Variants in TXK observed in about 807,000 individuals in gnomAD.
The protein encoded by TXK is tyrosine-protein kinase TXK.
TXK carries 60 observed loss-of-function variants against 81.0 expected under a neutral mutation model. That is an observed-to-expected ratio of 0.74 (90% confidence interval 0.60 to 0.92). TXK has a LOEUF of 0.92. Ranked by LOEUF, TXK falls within the 40% of genes least tolerant of loss-of-function variation. The pLI is 0.00. For synonymous variants in TXK, 203 were observed against 210.7 expected (o/e 0.96, Z 0.32); for missense variants, 581 against 638.3 (o/e 0.91, Z 0.97).
chr4:48,088,051 C>T (rs930025645), intron 9 of TXK, among the ~76,000 whole-genome samples: 1 of 152,100 alleles, frequency 6.6e-6, no homozygotes, highest in East Asian at 1.9e-4. Context: ...CAAATGGCCA[C>T]TAAGCCAAAT....
At chr4:48,112,564 TA>T in intron 3 of TXK, 52 bp from the exon 4 acceptor site, 1 of 1,521,896 alleles carries the variant, frequency 6.6e-7, no homozygotes. Context: ...TAATTTGTAC[TA>T]AAAAATATAG....
At chr4:48,107,281 T>A (rs1335574340) in intron 5 of TXK, among the ~76,000 whole-genome samples, 2 of 151,790 alleles carry the variant, frequency 1.3e-5, no homozygotes, top group African/African-American at 4.8e-5. Context: ...ATATTGATAA[T>A]TCGGATATTC....
intron 9 of TXK, among the ~76,000 whole-genome samples, chr4:48,087,552 C>T (rs1577657947): frequency 6.6e-6 from 1 of 152,086 alleles, no homozygotes; most frequent in Admixed American, 6.6e-5. Flanking sequence ...TTTCCTGCCT[C>T]AGCCTCCCAA....
intron 10 of TXK, 49 bp downstream of exon 10, chr4:48,086,417 T>G: frequency 6.3e-7 from 1 of 1,590,884 alleles, no homozygotes; most frequent in South Asian, 1.1e-5. Flanking sequence ...GTTGTTTCCA[T>G]GACACCAGGG....
intron 1 of TXK, among the ~76,000 whole-genome samples, chr4:48,128,648 C>T (rs569737572): frequency 1.3e-5 from 2 of 148,458 alleles, no homozygotes; most frequent in South Asian, 4.3e-4. Context: ...TCACTGCAAC[C>T]TCTGCTCCCG....
At chr4:48,134,071 A>G (rs560164188) in intron 1 of TXK, 84 bp downstream of exon 1, 124 of 1,413,288 alleles carry the variant, frequency 8.8e-5, no homozygotes, top group South Asian at 6.0e-4. Flanking sequence ...TATGCCTTGG[A>G]AAAAAAAAAC....
chr4:48,104,364 A>T (rs1287545878), intron 6 of TXK, among the ~76,000 whole-genome samples: 18 of 1,252 alleles, frequency 0.014, 8 homozygotes, highest in African/African-American at 0.14. Context: ...TATAATATAT[A>T]ATATATATAA....
At chr4:48,087,237 T>G (rs1717568552) in intron 9 of TXK, among the ~76,000 whole-genome samples, 1 of 143,048 alleles carries the variant, frequency 7.0e-6, no homozygotes, top group Non-Finnish European at 1.6e-5. Flanking sequence ...CAGGAAAAAA[T>G]AAACTGTTTT....
intron 12 of TXK, among the ~76,000 whole-genome samples, chr4:48,074,834 A>G (rs1717002614): frequency 6.6e-6 from 1 of 152,156 alleles, no homozygotes; most frequent in South Asian, 2.1e-4. Flanking sequence ...CACTTTATTG[A>G]GTCAGAGGTC....
chr4:48,078,411 G>C (rs1465649677), intron 11 of TXK, among the ~76,000 whole-genome samples: 1 of 152,192 alleles, frequency 6.6e-6, no homozygotes, highest in African/African-American at 2.4e-5. Context: ...CTTTGATCAT[G>C]TGTGATGGAA....
intron 6 of TXK, among the ~76,000 whole-genome samples, chr4:48,096,204 GA>G (rs1253090430): frequency 6.6e-6 from 1 of 152,132 alleles, no homozygotes; most frequent in Non-Finnish European, 1.5e-5. Context: ...GCAGCCATTC[GA>G]AATAATAAAA....
Position 48,108,227 on chromosome 4 carries a change from A to T in TXK, c.446+2311T>A, listed in dbSNP as rs182783886. Among the ~76,000 whole-genome samples, 71 of 152,358 alleles carry T rather than the reference A, an allele frequency of 4.7e-4. 1 individual carries two copies. The highest frequency in any genetic ancestry group is 1.6e-3 in the Admixed American group (25 of 15,304). On this transcript the variant is annotated intron_variant, in intron 5 of 14. Coordinates refer to ENST00000264316, the MANE Select transcript of TXK (RefSeq NM_003328.3). Reference sequence around the variant, plus strand: ...AGTGTACAATAAATACAGATGGAACAAATAAGGTGATTTGAGGACTGAAGT... The same window carrying T: ...AGTGTACAATAAATACAGATGGAACTAATAAGGTGATTTGAGGACTGAAGT...
intron 1 of TXK, among the ~76,000 whole-genome samples, chr4:48,115,891 T>G (rs1338792879): frequency 1.3e-5 from 2 of 152,042 alleles, no homozygotes; most frequent in East Asian, 3.8e-4. Context: ...TTCAAAAGGA[T>G]ATTTTATTTT....
In TXK at chr4:48,079,905, T is replaced by C. The variant is rs1307240707; in HGVS notation, c.1173+7A>G. On this transcript the variant is annotated splice_region_variant and intron_variant, in intron 11 of 14. Coordinates refer to ENST00000264316, the MANE Select transcript of TXK (RefSeq NM_003328.3). ...AAAAAAAAAAAGTAAATTTGCACCATACTTACCAAATCCCTATGAATATAG... is the reference window on the plus strand; with the variant it reads ...AAAAAAAAAAAGTAAATTTGCACCACACTTACCAAATCCCTATGAATATAG... 1.9e-6 allele frequency: 3 copies of C among 1,605,628 alleles called. No individual in the cohort carries two copies. Among genetic ancestry groups the C allele is most frequent in the Non-Finnish European group, 2.6e-6 (3 of 1,172,670 alleles).
In TXK at chr4:48,075,945, G is replaced by T. The variant is rs151314955; in HGVS notation, c.1238+457C>A. 2.8e-3 allele frequency among the ~76,000 whole-genome samples: 429 copies of T among 152,132 alleles called. 4 individuals carry two copies. Among genetic ancestry groups the T allele is most frequent in the African/African-American group, 1.0e-2 (414 of 41,492 alleles). ...ATGCTCAAAATTTAAACTATATTGA[G>T]TTGTAGAAAAATATGGTTAAATTTT... On this transcript the variant is annotated intron_variant, in intron 12 of 14. Transcript: ENST00000264316.
At chr4:48,092,900 G>A (rs544705106) in intron 8 of TXK, among the ~76,000 whole-genome samples, 14 of 152,284 alleles carry the variant, frequency 9.2e-5, no homozygotes, top group Admixed American at 6.5e-4. Context: ...TAAGGCAGTG[G>A]TTAATTTTGG....
In TXK at chr4:48,080,105, A is replaced by G. The variant is rs779826717; in HGVS notation, c.980T>C (p.Val327Ala). 6.2e-7 allele frequency: 1 copy of G among 1,613,822 alleles called. No individual in the cohort carries two copies. The highest frequency in any genetic ancestry group is 8.5e-7 in the Non-Finnish European group (1 of 1,179,718). The change falls in exon 11 of 15, where the codon GTG (valine) becomes GCG (alanine). Residue 327 changes from valine (V) to alanine (A), a missense_variant. Coordinates refer to ENST00000264316, the MANE Select transcript of TXK (RefSeq NM_003328.3). ...VMMKLSHSKL[V>A]QLYGVCIQRK... ...CTGTATACAGACTCCATAAAGTTGC[A>G]CTAGCTTTGAATGAGATAATTTCCT...
intron 10 of TXK, among the ~76,000 whole-genome samples, chr4:48,085,358 T>C (rs529510039): frequency 1.3e-5 from 2 of 151,892 alleles, no homozygotes; most frequent in South Asian, 4.2e-4. Flanking sequence ...AAGAGATGAG[T>C]AGTGTATCAC....
chr4:48,120,221 AT>A (rs1323911982), intron 1 of TXK, among the ~76,000 whole-genome samples: 1 of 94,438 alleles, frequency 1.1e-5, no homozygotes. Flanking sequence ...ATATGTACAT[AT>A]ATACGTATAT....
Sources: allele counts gnomAD v4.1 joint callset (sites outside exome capture counted in the v4.1 genomes callset), GRCh38; gene constraint gnomAD v4.1.1; transcripts MANE v1.5; gene names NCBI Gene and HGNC (gene_info 2026-07-23, HGNC 2026-07-21).